The following CFAP298 variants were observed in gnomAD, a reference collection of about 807,000 sequenced individuals.
CFAP298 encodes cilia and flagella associated protein 298, also known as cilia- and flagella-associated protein 298.
In CFAP298, 38 loss-of-function variants were observed where a neutral mutation model predicts 41.0. The observed-to-expected ratio is 0.93, with a 90% confidence interval of 0.72 to 1.22. CFAP298 has a LOEUF of 1.22. Ranked by LOEUF, CFAP298 falls within the 50% of genes most tolerant of loss-of-function variation. The pLI is 0.00. For missense variants in CFAP298, 348 were observed against 360.3 expected (o/e 0.97, Z 0.28); for synonymous variants, 137 against 135.3 (o/e 1.01, Z -0.09).
chr21:32,601,878 C>CT lies in CFAP298; in HGVS notation c.857dup (p.Trp287ValfsTer10). Reference sequence around the variant, plus strand: ...CTGGTGAACTTCATCTTGGTCTCCACTTTATGTCTTTCACTCCATGAAAAT... The same window carrying CT: ...CTGGTGAACTTCATCTTGGTCTCCACTTTTATGTCTTTCACTCCATGAAAAT... On this transcript the variant is annotated frameshift_variant, in exon 7 of 7. Coordinates refer to ENST00000290155, the MANE Select transcript of CFAP298 (RefSeq NM_021254.4). LOFTEE classifies it high-confidence loss of function. 1 of 1,606,648 alleles carries CT rather than the reference C, an allele frequency of 6.2e-7. No homozygotes were observed.
intron 3 of CFAP298, 91 bp downstream of exon 3, chr21:32,607,558 A>G (rs971346760): frequency 2.7e-6 from 2 of 737,862 alleles, no homozygotes; most frequent in East Asian, 2.6e-5. Context: ...GCACCATTGC[A>G]CTCCAGCCTG....
chr21:32,601,388 C>A lies in CFAP298; in HGVS notation c.*475G>T, dbSNP rs1178444362. Reference sequence around the variant, plus strand: ...TCTTGGCTCACTGTAAGCTCCACCTCCCGGGTTCACGCCATTCTCCTGCCT... The same window carrying A: ...TCTTGGCTCACTGTAAGCTCCACCTACCGGGTTCACGCCATTCTCCTGCCT... On this transcript the variant is annotated 3_prime_UTR_variant, in exon 7 of 7. Coordinates refer to ENST00000290155, the MANE Select transcript of CFAP298 (RefSeq NM_021254.4). Among the ~76,000 whole-genome samples, 2 of 149,960 alleles carry A rather than the reference C, an allele frequency of 1.3e-5. No homozygotes were observed. Among genetic ancestry groups the A allele is most frequent in the East Asian group, 2.0e-4 (1 of 5,070 alleles).
intron 4 of CFAP298, among the ~76,000 whole-genome samples, 153 bp from the exon 5 acceptor site, chr21:32,603,445 A>T (rs1343592373): frequency 6.6e-6 from 1 of 152,176 alleles, no homozygotes; most frequent in African/African-American, 2.4e-5. Flanking sequence ...GTCCTTGCTG[A>T]CTTTAGTACC....
intron 2 of CFAP298, 99 bp from the exon 3 acceptor site, chr21:32,607,815 A>G: frequency 1.4e-6 from 1 of 736,520 alleles, no homozygotes; most frequent in Non-Finnish European, 2.3e-6. Context: ...GGGTAAATGA[A>G]CTGAGAGAGA....
Position 32,604,173 on chromosome 21 carries a change from A to C in CFAP298, c.486T>G (p.Asp162Glu). The change falls in exon 4 of 7, where the codon GAT becomes GAG. Residue 162 changes from aspartate (D) to glutamate (E), a missense_variant. Asp to Glu is a conservative substitution (Grantham distance 45). Transcript: ENST00000290155. ...IVYPMGLPPY[D>E]PIRMEFENKE... Reference sequence around the variant, plus strand: ...TATTTTCAAACTCCATGCGGATGGGATCATACGGTGGCAACCCCATGGGGT... The same window carrying C: ...TATTTTCAAACTCCATGCGGATGGGCTCATACGGTGGCAACCCCATGGGGT... The C allele has an allele frequency of 1.2e-6, 2 of 1,614,136 alleles. No individual in the cohort carries two copies. The highest frequency in any genetic ancestry group is 1.7e-6 in the Non-Finnish European group (2 of 1,180,030).
intron 2 of CFAP298, among the ~76,000 whole-genome samples, chr21:32,608,780 T>G (rs995488800): frequency 6.6e-6 from 1 of 152,090 alleles, no homozygotes; most frequent in Non-Finnish European, 1.5e-5. Context: ...CACATCTTCT[T>G]ACGTAAGAAA....
intron 3 of CFAP298, 71 bp from the exon 4 acceptor site, chr21:32,604,354 C>T: frequency 6.4e-7 from 1 of 1,555,164 alleles, no homozygotes; most frequent in Middle Eastern, 1.7e-4. Context: ...AGATCTTGTA[C>T]AAGACCCTTG....
At chr21:32,604,666 C>G (rs1190582176) in intron 3 of CFAP298, among the ~76,000 whole-genome samples, 1 of 152,192 alleles carries the variant, frequency 6.6e-6, no homozygotes, top group East Asian at 1.9e-4. Flanking sequence ...TCAGGACAAG[C>G]TGAAACAAAG....
At chr21:32,609,086 T>C (rs1354180277) in intron 2 of CFAP298, among the ~76,000 whole-genome samples, 4 of 152,250 alleles carry the variant, frequency 2.6e-5, no homozygotes, top group Non-Finnish European at 4.4e-5. Flanking sequence ...ACTGAAGTGC[T>C]CTGCCCCAGA....
chr21:32,607,477 C>T (rs552387466), intron 3 of CFAP298, among the ~76,000 whole-genome samples, 172 bp downstream of exon 3: 2 of 151,900 alleles, frequency 1.3e-5, no homozygotes, highest in South Asian at 4.2e-4. Context: ...CCTGTAATCC[C>T]AGCTACTCGG....
At chr21:32,607,233 G>A (rs961015668) in intron 3 of CFAP298, among the ~76,000 whole-genome samples, 4 of 152,094 alleles carry the variant, frequency 2.6e-5, no homozygotes, top group East Asian at 1.9e-4. Flanking sequence ...CTTTGCCTCC[G>A]GAAGGCTGAA....
At position 32,604,944 on chromosome 21, in the gene CFAP298, C is replaced by T. The variant is rs111281588; in HGVS notation, c.376-661G>A. On this transcript the variant is annotated intron_variant, in intron 3 of 6. Coordinates refer to ENST00000290155, the MANE Select transcript of CFAP298 (RefSeq NM_021254.4). ...ATGTAATCCCAGCACTTTGGGAGGC[C>T]GAGGTGGGCAAATCACCTGAGGTCA... 4.5e-3 allele frequency among the ~76,000 whole-genome samples: 679 copies of T among 152,192 alleles called. 4 individuals carry two copies. The highest frequency in any genetic ancestry group is 6.6e-3 in the African/African-American group (274 of 41,524).
At chr21:32,602,249 A>G in intron 6 of CFAP298, 23 bp downstream of exon 6, 1 of 1,610,062 alleles carries the variant, frequency 6.2e-7, no homozygotes, top group Non-Finnish European at 8.5e-7. Flanking sequence ...AGCACTGCAG[A>G]AAGCCCATCT....
Position 32,603,294 on chromosome 21 carries a change from T to A in CFAP298, c.535-2A>T, listed in dbSNP as rs1181421000. The A allele has an allele frequency of 3.7e-6, 6 of 1,614,048 alleles. No individual in the cohort carries two copies. The South Asian group carries it at 6.6e-5, about 18-fold the overall frequency. ...CTCTTTAATGACGTTGAGCCCTGCC[T>A]GGGGCCAGTCGTAAGAATGGCTTGA... On this transcript the variant is annotated splice_acceptor_variant, in intron 4 of 6. Transcript: ENST00000290155. LOFTEE classifies it high-confidence loss of function.
chr21:32,612,186 C>A lies in CFAP298; in HGVS notation c.58G>T (p.Gly20Trp). Residue 20 changes from glycine (G) to tryptophan (W), a missense_variant, in exon 1 of 7, where the codon GGG becomes TGG. Gly to Trp is a radical substitution (Grantham distance 184). Transcript: ENST00000290155. ...DESQFLLQAP[G>W]STELEELTVQ... is the part of the protein sequence containing the mutation. ...GTGAGCTCCTCCAGCTCGGTACTCCCAGGCGCCTGCAGCAGGAACTGGCTC... is the reference window on the plus strand; with the variant it reads ...GTGAGCTCCTCCAGCTCGGTACTCCAAGGCGCCTGCAGCAGGAACTGGCTC... 1 of 1,606,762 alleles carries A rather than the reference C, an allele frequency of 6.2e-7. No homozygotes were observed. Among genetic ancestry groups the A allele is most frequent in the South Asian group, 1.1e-5 (1 of 89,360 alleles).
chr21:32,611,817 C>T (rs1352077901), intron 1 of CFAP298, among the ~76,000 whole-genome samples: 1 of 152,196 alleles, frequency 6.6e-6, no homozygotes. Flanking sequence ...CCCGGCCTTT[C>T]GGCTCCCTCC....
At chr21:32,605,869 G>A (rs2038856415) in intron 3 of CFAP298, among the ~76,000 whole-genome samples, 1 of 152,174 alleles carries the variant, frequency 6.6e-6, no homozygotes, top group African/African-American at 2.4e-5. Flanking sequence ...GTTAGTGTCA[G>A]AACGGAATTG....
At position 32,612,236 on chromosome 21, in the gene CFAP298, A is replaced by AG; in HGVS notation, c.7dup (p.Leu3ProfsTer34). On this transcript the variant is annotated frameshift_variant, in exon 1 of 7. Transcript: ENST00000290155. LOFTEE classifies it high-confidence loss of function. Reference sequence around the variant, plus strand: ...CTCGTCGCCCCGCTTCACGTGCAGCAGAACCATGGCGGTCCCGCCGAGGTA... The same window carrying AG: ...CTCGTCGCCCCGCTTCACGTGCAGCAGGAACCATGGCGGTCCCGCCGAGGTA... 6.2e-7 allele frequency: 1 copy of AG among 1,605,670 alleles called. No individual in the cohort carries two copies.
At chr21:32,609,647 C>T (rs1012856662) in intron 2 of CFAP298, among the ~76,000 whole-genome samples, 191 bp downstream of exon 2, 1 of 152,142 alleles carries the variant, frequency 6.6e-6, no homozygotes, top group African/African-American at 2.4e-5. Context: ...TGCCTGTAGT[C>T]CCAGCTACTC....
Sources: gnomAD v4.1 joint callset for allele counts (sites outside exome capture counted in the v4.1 genomes callset) on GRCh38, gnomAD v4.1.1 for gene constraint, MANE v1.5 for transcripts, NCBI Gene and HGNC (gene_info 2026-07-23, HGNC 2026-07-21) for gene names.